Variants in ITGA11 observed in about 807,000 individuals in gnomAD.
The protein encoded by ITGA11 is integrin subunit alpha 11.
In ITGA11, 97 loss-of-function variants were observed where a neutral mutation model predicts 141.9. The observed-to-expected ratio is 0.68, with a 90% CI of 0.58 to 0.81. ITGA11 has a LOEUF of 0.81. ITGA11 is among the 30% of genes least tolerant of loss of function. The pLI, the probability that ITGA11 is intolerant of heterozygous loss-of-function variation, is 0.00. For synonymous variants in ITGA11, 658 were observed against 624.6 expected (o/e 1.05, Z -0.80); for missense variants, 1,387 against 1,559.2 (o/e 0.89, Z 1.86).
intron 2 of ITGA11, among the ~76,000 whole-genome samples, chr15:68,384,361 G>T (rs1026951196): frequency 6.6e-6 from 1 of 152,048 alleles, no homozygotes; most frequent in Admixed American, 6.6e-5. Flanking sequence ...CTGTCTGCAG[G>T]CCACATCCTA....
At position 68,325,916 on chromosome 15, in the gene ITGA11, A is replaced by AG. The variant is rs1893958032; in HGVS notation, c.2212-676dup. Among the ~76,000 whole-genome samples, 1 of 152,234 alleles carries AG rather than the reference A, an allele frequency of 6.6e-6. No individual in the cohort carries two copies. The highest frequency in any genetic ancestry group is 1.5e-5 in the Non-Finnish European group (1 of 68,036). ...GTCCCCTGGGAGCTTGTTAAAACAC[A>AG]GGGTGCTGGCGCCAGCCCCAGCCCC... On this transcript the variant is annotated intron_variant, in intron 17 of 29. Transcript: ENST00000315757. The surrounding 1 kb of genome is among the most constrained non-coding windows in gnomAD (Gnocchi z 5.5).
chr15:68,350,203 G>A (rs557539887), intron 9 of ITGA11, among the ~76,000 whole-genome samples: 1 of 152,172 alleles, frequency 6.6e-6, no homozygotes, highest in South Asian at 2.1e-4. Context: ...TTTATTTTTG[G>A]GGACAGGGTC....
rs528505765 is a variant in ITGA11 at position 68,422,676 on chromosome 15, C to A, written c.52+9339G>T. Among the ~76,000 whole-genome samples the A allele has an allele frequency of 3.9e-5, 6 of 152,256 alleles. No individual in the cohort carries two copies. In the South Asian group the frequency reaches 1.0e-3, roughly 26 times the overall value. ...TTCGGTTTCCTCTCAGAGGCCTCAG[C>A]CCACTGTTCTGTTCTTACCATTCCT... On this transcript the variant is annotated intron_variant, in intron 1 of 29. Transcript: ENST00000315757.
intron 22 of ITGA11, among the ~76,000 whole-genome samples, chr15:68,315,013 G>T (rs757878783): frequency 6.6e-6 from 1 of 152,192 alleles, no homozygotes; most frequent in Non-Finnish European, 1.5e-5. Flanking sequence ...GACACAAAGT[G>T]ATTCATGGGG....
chr15:68,431,965 C>A, intron 1 of ITGA11, 50 bp downstream of exon 1: 1 of 1,233,712 alleles, frequency 8.1e-7, no homozygotes, highest in Non-Finnish European at 1.0e-6. Context: ...GCCCCGAGGG[C>A]CCAGGGAGGG....
chr15:68,366,555 C>G (rs1353502851), intron 3 of ITGA11, among the ~76,000 whole-genome samples: 1 of 152,204 alleles, frequency 6.6e-6, no homozygotes, highest in African/African-American at 2.4e-5. Flanking sequence ...CCTCACCACC[C>G]TGCCCCTCTC....
chr15:68,431,968 A>T (rs1897279208), intron 1 of ITGA11, 47 bp downstream of exon 1: 2 of 1,248,116 alleles, frequency 1.6e-6, no homozygotes, highest in Non-Finnish European at 2.0e-6. Context: ...CCGAGGGCCC[A>T]GGGAGGGACT....
chr15:68,389,860 T>G (rs925035139), intron 2 of ITGA11, among the ~76,000 whole-genome samples: 1 of 152,112 alleles, frequency 6.6e-6, no homozygotes, highest in Non-Finnish European at 1.5e-5. Context: ...CCAGCTCTGT[T>G]TTTTCTCAGC....
intron 2 of ITGA11, among the ~76,000 whole-genome samples, chr15:68,376,550 T>G (rs1356706418): frequency 6.6e-6 from 1 of 152,174 alleles, no homozygotes; most frequent in Non-Finnish European, 1.5e-5. Flanking sequence ...GAAATGCAGT[T>G]TTTGTATGAG....
Position 68,328,372 on chromosome 15 carries a change from G to C in ITGA11, c.1902-110C>G. The C allele has an allele frequency of 1.1e-6, 1 of 934,160 alleles. No individual in the cohort carries two copies. Among genetic ancestry groups the C allele is most frequent in the South Asian group, 1.6e-5 (1 of 62,826 alleles). 57.9% of individuals were successfully genotyped at this position (934,160 alleles called of 1,614,324 possible). A position where few individuals can be genotyped will look rare whatever the true frequency, so the allele number is the denominator to read the frequency against. On this transcript the variant is annotated intron_variant, in intron 15 of 29. Transcript: ENST00000315757. This position sits in a 1 kb window ranked among gnomAD's most constrained non-coding sequence, Gnocchi z 4.8. ...GCGAGTGGGATCTGCAAAGCCACTG[G>C]AGGGGGTGAGGTGGAGGATGGAGGG...
chr15:68,340,229 A>G (rs1343809448), intron 10 of ITGA11, among the ~76,000 whole-genome samples: 1 of 144,334 alleles, frequency 6.9e-6, no homozygotes, highest in Non-Finnish European at 1.5e-5. Context: ...AAAAAAAAAT[A>G]CTCAACAAAC....
chr15:68,305,262 G>C lies in ITGA11; in HGVS notation c.3382-1377C>G, dbSNP rs1412752735. On this transcript the variant is annotated intron_variant, in intron 28 of 29. Transcript: ENST00000315757. The surrounding 1 kb of genome is among the most constrained non-coding windows in gnomAD (Gnocchi z 4.6). ...CACGAGACACTCCTGTCTTCCTCAT[G>C]GTCTCTGTCTGATGTCACTTTATTG... 6.6e-6 allele frequency among the ~76,000 whole-genome samples: 1 copy of C among 152,184 alleles called. No individual in the cohort carries two copies. The highest frequency in any genetic ancestry group is 1.5e-5 in the Non-Finnish European group (1 of 68,024).
chr15:68,404,896 A>C (rs1896605454), intron 1 of ITGA11, among the ~76,000 whole-genome samples: 3 of 152,194 alleles, frequency 2.0e-5, no homozygotes, highest in Non-Finnish European at 4.4e-5. Flanking sequence ...AGTTTCAAAG[A>C]CCATTCACAT....
chr15:68,421,879 T>C lies in ITGA11; in HGVS notation c.52+10136A>G, dbSNP rs138798515. Among the ~76,000 whole-genome samples, 755 of 152,274 alleles carry C rather than the reference T, an allele frequency of 5.0e-3. 9 individuals are homozygous for C. The highest frequency in any genetic ancestry group is 0.017 in the African/African-American group (699 of 41,534). ...GATACTCCCAGTGGCAACCGGGACA[T>C]GTTCAGGACGATGGTAGGGGCTGCT... is the stretch of plus-strand genomic sequence containing the variant. On this transcript the variant is annotated intron_variant, in intron 1 of 29. Coordinates refer to ENST00000315757, the MANE Select transcript of ITGA11 (RefSeq NM_001004439.2).
chr15:68,395,317 G>A (rs1000994771), intron 2 of ITGA11, among the ~76,000 whole-genome samples: 3 of 152,152 alleles, frequency 2.0e-5, no homozygotes, highest in Non-Finnish European at 4.4e-5. Context: ...AAAGCTGGAT[G>A]GAGAATGACT....
intron 11 of ITGA11, among the ~76,000 whole-genome samples, chr15:68,339,028 T>C (rs564793327): frequency 2.2e-4 from 33 of 152,360 alleles, no homozygotes; most frequent in African/African-American, 7.9e-4. Flanking sequence ...TGATTTGTGC[T>C]TCTATCTAGA....
rs1346779372 is a variant in ITGA11 at position 68,361,772 on chromosome 15, G to C, written c.358-68C>G. 3.7e-6 allele frequency: 4 copies of C among 1,071,920 alleles called. No homozygotes were observed. The East Asian group carries it at 1.0e-4, about 28-fold the overall frequency. 66.4% of individuals were successfully genotyped at this position (1,071,920 alleles called of 1,614,324 possible). On this transcript the variant is annotated intron_variant, in intron 4 of 29. Coordinates refer to ENST00000315757, the MANE Select transcript of ITGA11 (RefSeq NM_001004439.2). ...AGAGAGGATCGAGGTCCAATGGCCTGAGGCCCACTCCCATCCTCCACGACC... is the reference window on the plus strand; with the variant it reads ...AGAGAGGATCGAGGTCCAATGGCCTCAGGCCCACTCCCATCCTCCACGACC...
At chr15:68,425,853 C>T (rs974749732) in intron 1 of ITGA11, among the ~76,000 whole-genome samples, 7 of 152,242 alleles carry the variant, frequency 4.6e-5, no homozygotes, top group Non-Finnish European at 8.8e-5. Context: ...CTGTCAGCCC[C>T]AGCTGCGCAG....
intron 24 of ITGA11, among the ~76,000 whole-genome samples, chr15:68,312,033 G>C (rs1249775617): frequency 1.3e-5 from 2 of 152,206 alleles, no homozygotes; most frequent in Non-Finnish European, 2.9e-5. Context: ...CCAGTATCCA[G>C]CTGTCAGCTT....
Sources: allele counts gnomAD v4.1 joint callset (sites outside exome capture counted in the v4.1 genomes callset), GRCh38; gene constraint gnomAD v4.1.1; non-coding constraint Gnocchi (gnomAD v3.1); transcripts MANE v1.5; gene names NCBI Gene and HGNC (gene_info 2026-07-23, HGNC 2026-07-21).